The following PALM2AKAP2 variants were observed in gnomAD, a reference collection of about 807,000 sequenced individuals.
PALM2AKAP2 encodes the protein PALM2 and AKAP2 fusion, also known as PALM2-AKAP2 fusion protein.
A neutral mutation model predicts 71.5 loss-of-function variants in PALM2AKAP2; 37 were observed. The observed-to-expected ratio is 0.52, with a 90% CI of 0.40 to 0.68. The LOEUF is 0.68. PALM2AKAP2 is among the 30% of genes least tolerant of loss of function. PALM2AKAP2 has a pLI of 0.00. For synonymous variants in PALM2AKAP2, 468 were observed against 478.8 expected (o/e 0.98, Z 0.29); for missense variants, 1,224 against 1,191.8 (o/e 1.03, Z -0.40).
At chr9:110,006,320 CCT>C (rs545613183) in intron 6 of PALM2AKAP2, among the ~76,000 whole-genome samples, 30 of 82,630 alleles carry the variant, frequency 3.6e-4, no homozygotes, top group African/African-American at 1.3e-3. Context: ...TTCCTTCCTT[CCT>C]TCTCTTTCTT....
chr9:109,715,100 CTACACTATCTTT>C (rs1828297116), intron 1 of PALM2AKAP2, among the ~76,000 whole-genome samples: 1 of 152,234 alleles, frequency 6.6e-6, no homozygotes, highest in South Asian at 2.1e-4. Flanking sequence ...GTCCACTGAT[CTACACTATCTTT>C]TGAAAACAGG....
At chr9:109,999,351 AAAAT>A (rs756835666) in intron 6 of PALM2AKAP2, among the ~76,000 whole-genome samples, 2 of 151,888 alleles carry the variant, frequency 1.3e-5, no homozygotes, top group Non-Finnish European at 2.9e-5. Context: ...AGACTGCCTC[AAAAT>A]AAATAAATAA....
chr9:110,043,703 CG>C (rs1241869740), upstream of PALM2AKAP2, among the ~76,000 whole-genome samples: 3 of 127,512 alleles, frequency 2.4e-5, no homozygotes, highest in Admixed American at 8.1e-5. Context: ...CTGTAAACTA[CG>C]TTTTTTTTGG....
chr9:109,656,884 C>A (rs1827315738), intron 1 of PALM2AKAP2, among the ~76,000 whole-genome samples: 1 of 152,206 alleles, frequency 6.6e-6, no homozygotes, highest in African/African-American at 2.4e-5. Context: ...CCTTTCCTTT[C>A]ATCTTAGCCT....
At chr9:110,014,862 A>T (rs1832952732) in intron 6 of PALM2AKAP2, among the ~76,000 whole-genome samples, 1 of 132,482 alleles carries the variant, frequency 7.5e-6, no homozygotes, top group African/African-American at 2.8e-5. Flanking sequence ...ACACACACAC[A>T]CATATATCTT....
intron 1 of PALM2AKAP2, among the ~76,000 whole-genome samples, chr9:109,678,678 G>A (rs1356744704): frequency 6.6e-6 from 1 of 152,090 alleles, no homozygotes; most frequent in Non-Finnish European, 1.5e-5. Context: ...ACAGACAGAG[G>A]AAATTAAAAT....
At chr9:109,995,763 G>T (rs1347001960) in intron 6 of PALM2AKAP2, among the ~76,000 whole-genome samples, 1 of 152,174 alleles carries the variant, frequency 6.6e-6, no homozygotes, top group Non-Finnish European at 1.5e-5. Context: ...GATTTGGGTG[G>T]GGACACTGCC....
chr9:109,694,773 A>G (rs771831385), intron 1 of PALM2AKAP2, among the ~76,000 whole-genome samples: 64 of 152,224 alleles, frequency 4.2e-4, no homozygotes, highest in East Asian at 1.3e-3. Context: ...CCATGTGTTC[A>G]AGTTTATAAC....
At chr9:109,916,026 C>G (rs1830681298) in intron 3 of PALM2AKAP2, among the ~76,000 whole-genome samples, 1 of 152,060 alleles carries the variant, frequency 6.6e-6, no homozygotes, top group African/African-American at 2.4e-5. Context: ...TCACTGCAAC[C>G]TCTGCCTCCC....
chr9:109,837,061 C>A (rs923908164), intron 1 of PALM2AKAP2, among the ~76,000 whole-genome samples: 1 of 152,068 alleles, frequency 6.6e-6, no homozygotes, highest in African/African-American at 2.4e-5. Flanking sequence ...AAGAGCAACT[C>A]CAAGACACAT....
rs140984353 is a variant in PALM2AKAP2 at position 110,092,596 on chromosome 9, T to A, written c.157-43531T>A. Among the ~76,000 whole-genome samples the A allele has an allele frequency of 1.2e-3, 178 of 152,298 alleles. 1 individual carries two copies. Among genetic ancestry groups the A allele is most frequent in the African/African-American group, 4.2e-3 (175 of 41,558 alleles). ...TAGTTCTGTGTGGTTTTAAGGGCAG[T>A]GAAATGCTGTAGAAGGACTGTAATC... On this transcript the variant is annotated intron_variant, in intron 1 of 3. Transcript: ENST00000374525.
intron 1 of PALM2AKAP2, among the ~76,000 whole-genome samples, chr9:110,075,599 CT>C (rs576102174): frequency 2.7e-5 from 4 of 150,532 alleles, no homozygotes; most frequent in Non-Finnish European, 4.4e-5. Flanking sequence ...TTCTTTCTTT[CT>C]TTTTTTTTAA....
intron 1 of PALM2AKAP2, among the ~76,000 whole-genome samples, chr9:110,066,909 A>G (rs189001136): frequency 9.3e-4 from 142 of 151,968 alleles, no homozygotes; most frequent in Admixed American, 8.1e-3. Flanking sequence ...TGCCTTTCCT[A>G]TTTTACCTCC....
chr9:109,856,942 C>T (rs1443316297), intron 1 of PALM2AKAP2, among the ~76,000 whole-genome samples: 1 of 152,194 alleles, frequency 6.6e-6, no homozygotes. Context: ...TTTTGTATTT[C>T]CAACCACGAC....
At chr9:110,164,470 A>G (rs927232414) in intron 3 of PALM2AKAP2, among the ~76,000 whole-genome samples, 4 of 151,784 alleles carry the variant, frequency 2.6e-5, no homozygotes, top group Non-Finnish European at 5.9e-5. Flanking sequence ...TTTATTCCCT[A>G]CCAGACCTGA....
intron 1 of PALM2AKAP2, among the ~76,000 whole-genome samples, chr9:109,677,859 A>G (rs1008771410): frequency 6.6e-6 from 1 of 152,184 alleles, no homozygotes; most frequent in African/African-American, 2.4e-5. Context: ...TAAAATATGC[A>G]ATACAAATGG....
intron 2 of PALM2AKAP2, among the ~76,000 whole-genome samples, chr9:110,152,439 C>T (rs577518381): frequency 6.6e-6 from 1 of 152,174 alleles, no homozygotes; most frequent in African/African-American, 2.4e-5. Flanking sequence ...GGGTGAGATG[C>T]ACACTGGATC....
chr9:109,992,280 AG>A (rs1280133820), intron 6 of PALM2AKAP2, among the ~76,000 whole-genome samples: 1 of 152,182 alleles, frequency 6.6e-6, no homozygotes, highest in Non-Finnish European at 1.5e-5. Context: ...CTTCTTATTA[AG>A]GACTCCCAGT....
At chr9:110,060,959 T>G (rs954525820) in intron 1 of PALM2AKAP2, among the ~76,000 whole-genome samples, 1 of 152,184 alleles carries the variant, frequency 6.6e-6, no homozygotes, top group African/African-American at 2.4e-5. Flanking sequence ...TTCCCTGACT[T>G]TGCAGTTCCT....
Sources: allele counts gnomAD v4.1 joint callset (sites outside exome capture counted in the v4.1 genomes callset), GRCh38; gene constraint gnomAD v4.1.1; transcripts MANE v1.5; gene names NCBI Gene and HGNC (gene_info 2026-07-23, HGNC 2026-07-21).